The following WT1 variants were observed in gnomAD, a reference collection of about 807,000 sequenced individuals.
The protein encoded by WT1 is WT1 transcription factor, also known as Wilms tumor protein.
A neutral mutation model predicts 60.8 loss-of-function variants in WT1; 8 were observed. The ratio of observed to expected loss-of-function variants is 0.13; its 90% confidence interval spans 0.08 to 0.24. The LOEUF (loss-of-function observed/expected upper bound fraction) is 0.24, where lower values mean the gene tolerates loss of function less well. WT1 is among the 10% of genes least tolerant of loss of function. The probability of loss-of-function intolerance (pLI) is 1.00; values close to 1 mark genes in which losing one functional copy is unlikely to be tolerated. For synonymous variants in WT1, 312 were observed against 297.1 expected (o/e 1.05, Z -0.52); for missense variants, 568 against 711.8 (o/e 0.80, Z 2.30).
chr11:32,431,279 C>T (rs1356448834), intron 1 of WT1, among the ~76,000 whole-genome samples: 3 of 152,170 alleles, frequency 2.0e-5, no homozygotes, highest in Non-Finnish European at 4.4e-5. Context: ...ACAAAATACC[C>T]TCTCCTGTGT....
At chr11:32,396,580 T>C (rs149791786) in intron 6 of WT1, among the ~76,000 whole-genome samples, 173 bp from the exon 7 acceptor site, 1 of 152,202 alleles carries the variant, frequency 6.6e-6, no homozygotes, top group African/African-American at 2.4e-5. Context: ...TAATGGATGC[T>C]AGATCAGGAC....
rs886932571 is a variant in WT1 at position 32,428,562 on chromosome 11, T to C, written c.719A>G (p.His240Arg). The C allele has an allele frequency of 4.3e-6, 7 of 1,614,056 alleles. No homozygotes were observed. The highest frequency in any genetic ancestry group is 5.9e-6 in the Non-Finnish European group (7 of 1,180,022). Residue 240 changes from histidine (H) to arginine (R), a missense_variant, in exon 2 of 10, where the codon CAT (histidine) becomes CGT (arginine). Transcript: ENST00000452863. ...TGAGTGGTTGGGGAACTGCGCCGCA[T>C]GGTGCGAGGGCGTGTGACCGTAGCT... is the stretch of plus-strand genomic sequence containing the variant.
At position 32,426,808 on chromosome 11, in the gene WT1, C is replaced by T. The variant is rs534838825; in HGVS notation, c.887+1148G>A. On this transcript the variant is annotated intron_variant, in intron 3 of 9. Coordinates refer to ENST00000452863, the MANE Select transcript of WT1 (RefSeq NM_024426.6). Reference sequence around the variant, plus strand: ...AGAACCTTAGATGCGAGAGCCAGGCCAGCCCCGGGCTCACTCTCGTAAAGG... The same window carrying T: ...AGAACCTTAGATGCGAGAGCCAGGCTAGCCCCGGGCTCACTCTCGTAAAGG... 3.3e-5 allele frequency among the ~76,000 whole-genome samples: 5 copies of T among 152,326 alleles called. No homozygotes were observed. The East Asian group carries it at 9.7e-4, about 29-fold the overall frequency.
At chr11:32,416,364 G>C in intron 5 of WT1, 126 bp downstream of exon 5, 2 of 1,181,882 alleles carry the variant, frequency 1.7e-6, no homozygotes, top group South Asian at 2.4e-5. Flanking sequence ...GCGGGGGAGA[G>C]AGATTCTTCC....
At chr11:32,408,058 A>G (rs1444065804) in intron 5 of WT1, among the ~76,000 whole-genome samples, 1 of 151,284 alleles carries the variant, frequency 6.6e-6, no homozygotes, top group African/African-American at 2.4e-5. Flanking sequence ...ACTCATCTCT[A>G]CTAAAAATAC....
chr11:32,432,111 G>T (rs1039717295), intron 1 of WT1, among the ~76,000 whole-genome samples: 1 of 152,230 alleles, frequency 6.6e-6, no homozygotes, highest in African/African-American at 2.4e-5. Context: ...TACAAGATTA[G>T]GATGCAAGAT....
At chr11:32,391,726 A>C (rs1851822196) in intron 9 of WT1, among the ~76,000 whole-genome samples, 1 of 152,068 alleles carries the variant, frequency 6.6e-6, no homozygotes, top group African/African-American at 2.4e-5. Flanking sequence ...TTATCTCTTC[A>C]TTTTCATTCT....
chr11:32,404,180 G>A (rs1355430937), intron 5 of WT1, among the ~76,000 whole-genome samples: 1 of 147,626 alleles, frequency 6.8e-6, no homozygotes, highest in African/African-American at 2.5e-5. Flanking sequence ...TGAGGCAGGA[G>A]AATCGCTTGA....
intron 8 of WT1, among the ~76,000 whole-genome samples, chr11:32,392,392 C>A (rs963518866): frequency 6.6e-6 from 1 of 152,210 alleles, no homozygotes; most frequent in African/African-American, 2.4e-5. Flanking sequence ...CTCTCCATCA[C>A]CCTCATTCTT....
intron 1 of WT1, chr11:32,429,117 C>T (rs908002723): frequency 7.6e-6 from 2 of 262,252 alleles, no homozygotes; most frequent in African/African-American, 4.4e-5. Context: ...GTTAAATGGC[C>T]TGGTCTTAAA....
chr11:32,433,730 G>A (rs900354445), intron 1 of WT1, among the ~76,000 whole-genome samples: 3 of 152,254 alleles, frequency 2.0e-5, no homozygotes, highest in African/African-American at 7.2e-5. Context: ...GCGAAAGAGA[G>A]GTGGGCGGGC....
At chr11:32,424,332 G>A (rs1852955316) in intron 3 of WT1, among the ~76,000 whole-genome samples, 1 of 152,126 alleles carries the variant, frequency 6.6e-6, no homozygotes, top group African/African-American at 2.4e-5. Flanking sequence ...GTGACTTTGA[G>A]CAAGTTACTT....
chr11:32,389,023 G>T lies in WT1; in HGVS notation c.*35C>A, dbSNP rs376972948. On this transcript the variant is annotated 3_prime_UTR_variant, in exon 10 of 10. Coordinates refer to ENST00000452863, the MANE Select transcript of WT1 (RefSeq NM_024426.6). The stretch of plus-strand genomic sequence containing the variant: ...TTGAAAGCAGTTCACACACTGTGCT[G>T]CCTGGGACACTGAACGGTCCCCGAG... The T allele has an allele frequency of 8.1e-6, 13 of 1,613,906 alleles. No homozygotes were observed. The highest frequency in any genetic ancestry group is 6.7e-5 in the African/African-American group (5 of 74,942).
At chr11:32,403,818 C>A (rs1392952340) in intron 5 of WT1, among the ~76,000 whole-genome samples, 1 of 151,970 alleles carries the variant, frequency 6.6e-6, no homozygotes, top group Non-Finnish European at 1.5e-5. Flanking sequence ...CATGATCCTC[C>A]CGCCTCGGCT....
chr11:32,395,171 A>C (rs1291571231), intron 7 of WT1, among the ~76,000 whole-genome samples: 3 of 152,236 alleles, frequency 2.0e-5, no homozygotes, highest in Admixed American at 1.3e-4. Flanking sequence ...CAGCTTCCCA[A>C]GAGCAAAATC....
intron 9 of WT1, among the ~76,000 whole-genome samples, 200 bp from the exon 10 acceptor site, chr11:32,389,379 G>A (rs965769596): frequency 5.3e-5 from 8 of 152,196 alleles, no homozygotes; most frequent in African/African-American, 1.9e-4. Context: ...TCGAAATATT[G>A]TAAAAAGTTA....
chr11:32,401,724 G>A (rs1241846829), intron 5 of WT1, among the ~76,000 whole-genome samples: 1 of 152,088 alleles, frequency 6.6e-6, no homozygotes, highest in Non-Finnish European at 1.5e-5. Flanking sequence ...ACTTTTAGTA[G>A]AGATGGGGTT....
At position 32,434,696 on chromosome 11, in the gene WT1, T is replaced by C; in HGVS notation, c.661+4A>G. 6.2e-7 allele frequency: 1 copy of C among 1,612,898 alleles called. No individual in the cohort carries two copies. The highest frequency in any genetic ancestry group is 8.5e-7 in the Non-Finnish European group (1 of 1,179,950). ...GCGTAGGGGGCGCTCCCCGGCCTAC[T>C]TACCCTGATTGCGAATAGCGGGCTG... On this transcript the variant is annotated splice_donor_region_variant and intron_variant, in intron 1 of 9. Coordinates refer to ENST00000452863, the MANE Select transcript of WT1 (RefSeq NM_024426.6).
chr11:32,420,767 C>G (rs1289881346), intron 3 of WT1, among the ~76,000 whole-genome samples: 1 of 152,158 alleles, frequency 6.6e-6, no homozygotes, highest in African/African-American at 2.4e-5. Flanking sequence ...TACTCAGTCT[C>G]TAGAAAATGA....
Sources: allele counts gnomAD v4.1 joint callset (sites outside exome capture counted in the v4.1 genomes callset), GRCh38; gene constraint gnomAD v4.1.1; transcripts MANE v1.5; gene names NCBI Gene and HGNC (gene_info 2026-07-23, HGNC 2026-07-21).